Variants in FRYL observed in about 807,000 individuals in gnomAD.
The protein encoded by FRYL is protein furry homolog-like.
In FRYL, 150 loss-of-function variants were observed where a neutral mutation model predicts 351.2. The observed-to-expected ratio is 0.43, with a 90% CI of 0.37 to 0.49. The LOEUF is 0.49. Among genes scored for constraint, FRYL ranks in the 20% least tolerant of loss-of-function variants. FRYL has a pLI of 0.00. For missense variants in FRYL, 3,036 were observed against 3,619.3 expected (o/e 0.84, Z 4.13); for synonymous variants, 1,153 against 1,257.1 (o/e 0.92, Z 1.75).
At position 48,549,743 on chromosome 4, in the gene FRYL, AT is replaced by A; in HGVS notation, c.4634-121del. 1.3e-6 allele frequency: 1 copy of A among 753,636 alleles called. No individual in the cohort carries two copies. The allele number at this position is 753,636 out of a possible 1,614,324, so 46.7% of individuals were successfully genotyped here. ...AAAGTGATAAAAAAAATTTCCCACT[AT>A]TTCAACATGTTTGCTAGGAAAATCT... On this transcript the variant is annotated intron_variant, in intron 38 of 63. Coordinates refer to ENST00000358350, the MANE Select transcript of FRYL (RefSeq NM_015030.2). This position sits in a 1 kb window ranked among gnomAD's most constrained non-coding sequence, Gnocchi z 4.2.
intron 13 of FRYL, among the ~76,000 whole-genome samples, chr4:48,596,494 G>A (rs1270137909): frequency 2.0e-5 from 3 of 152,172 alleles, no homozygotes; most frequent in East Asian, 1.9e-4. Context: ...AGTTAAGAGC[G>A]TGGACTCTAA....
intron 50 of FRYL, among the ~76,000 whole-genome samples, chr4:48,530,937 G>A (rs1458206626): frequency 9.9e-5 from 15 of 152,092 alleles, no homozygotes; most frequent in Non-Finnish European, 7.4e-5. Flanking sequence ...AAGTTGTGGC[G>A]TTTCTTTTAG....
chr4:48,717,810 G>A (rs973730099), intron 1 of FRYL, among the ~76,000 whole-genome samples: 1 of 151,330 alleles, frequency 6.6e-6, no homozygotes, highest in Non-Finnish European at 1.5e-5. Context: ...CAAAGTACTG[G>A]GATTTCAGGC....
At chr4:48,728,985 G>A (rs1424086138) in intron 1 of FRYL, among the ~76,000 whole-genome samples, 2 of 152,244 alleles carry the variant, frequency 1.3e-5, no homozygotes, top group Non-Finnish European at 2.9e-5. Context: ...AGCCGTGAGT[G>A]ACTGTACCTG....
intron 3 of FRYL, among the ~76,000 whole-genome samples, chr4:48,655,813 T>C (rs1013343752): frequency 1.4e-5 from 2 of 144,490 alleles, no homozygotes; most frequent in African/African-American, 5.0e-5. Context: ...TAAAATTATA[T>C]ATACAGAATT....
intron 58 of FRYL, among the ~76,000 whole-genome samples, chr4:48,510,551 C>A (rs996227358): frequency 2.0e-5 from 3 of 152,040 alleles, no homozygotes; most frequent in African/African-American, 7.2e-5. Context: ...ATCTCCTACC[C>A]ATTTTTATTT....
At chr4:48,627,799 A>T (rs1344786599) in intron 4 of FRYL, among the ~76,000 whole-genome samples, 1 of 152,128 alleles carries the variant, frequency 6.6e-6, no homozygotes, top group Non-Finnish European at 1.5e-5. Flanking sequence ...TTTTTTATAT[A>T]AAAAAACTGT....
chr4:48,764,459 AGGT>A (rs954170784), intron 1 of FRYL, among the ~76,000 whole-genome samples: 2 of 151,692 alleles, frequency 1.3e-5, no homozygotes, highest in African/African-American at 4.8e-5. Context: ...TGAGCCCAGG[AGGT>A]CAAGGCTCCA....
In FRYL at chr4:48,634,402, G is replaced by A; in HGVS notation, c.9C>T (p.Asn3=). 6.2e-7 allele frequency: 1 copy of A among 1,612,868 alleles called. No homozygotes were observed. The highest frequency in any genetic ancestry group is 2.2e-5 in the East Asian group (1 of 44,816). The part of the protein sequence containing the change: MS[N]ITIDPDVKPG... ...GTTTGACATCTGGGTCAATCGTAAT[G>A]TTTGACATGATGATATTTTTTTTTC... is the stretch of plus-strand genomic sequence containing the variant. The change falls in exon 4 of 64, where the codon AAC becomes AAT. Residue 3 remains asparagine, a synonymous_variant. Transcript: ENST00000358350.
intron 3 of FRYL, among the ~76,000 whole-genome samples, chr4:48,669,649 T>C (rs1356918120): frequency 6.8e-6 from 1 of 147,986 alleles, no homozygotes. Context: ...AAATAAAAAT[T>C]ATATATCTCA....
At chr4:48,670,847 T>C (rs1762537025) in intron 3 of FRYL, among the ~76,000 whole-genome samples, 1 of 152,212 alleles carries the variant, frequency 6.6e-6, no homozygotes, top group Non-Finnish European at 1.5e-5. Flanking sequence ...CATTAATCTG[T>C]TGGTGGACAT....
intron 3 of FRYL, among the ~76,000 whole-genome samples, chr4:48,666,916 G>T (rs191627808): frequency 6.6e-6 from 1 of 152,150 alleles, no homozygotes; most frequent in South Asian, 2.1e-4. Flanking sequence ...AGTATAAGAA[G>T]AATTTAGGTA....
intron 2 of FRYL, among the ~76,000 whole-genome samples, chr4:48,705,974 C>A (rs1322646033): frequency 6.6e-6 from 1 of 152,098 alleles, no homozygotes; most frequent in Non-Finnish European, 1.5e-5. Flanking sequence ...GTAGCTGGAA[C>A]TACAGGCACA....
chr4:48,725,299 C>A (rs545442367), intron 1 of FRYL, among the ~76,000 whole-genome samples: 6 of 152,326 alleles, frequency 3.9e-5, no homozygotes, highest in African/African-American at 1.4e-4. Flanking sequence ...TCCCCTCCAT[C>A]AAATTCTCTG....
chr4:48,643,851 C>A (rs2149402166), intron 3 of FRYL, among the ~76,000 whole-genome samples: 1 of 152,238 alleles, frequency 6.6e-6, no homozygotes, highest in South Asian at 2.1e-4. Flanking sequence ...AAAAGAAGAT[C>A]TGAACATGTG....
intron 1 of FRYL, among the ~76,000 whole-genome samples, chr4:48,777,204 T>C (rs1776114335): frequency 6.6e-6 from 1 of 152,238 alleles, no homozygotes; most frequent in Admixed American, 6.5e-5. Context: ...TAATTGTGAA[T>C]AATTGTGACA....
rs569794394 is a variant in FRYL at position 48,607,913 on chromosome 4, A to G, written c.572+1074T>C. On this transcript the variant is annotated intron_variant, in intron 9 of 63. Transcript: ENST00000358350. ...ATATATTATTTAGAATTTCTGGTCT[A>G]TATTCCTGAGACAGAAACTCAGTTT... Among the ~76,000 whole-genome samples, 6 of 152,278 alleles carry G rather than the reference A, an allele frequency of 3.9e-5. 1 individual carries two copies. The highest frequency in any genetic ancestry group is 1.4e-4 in the African/African-American group (6 of 41,566).
chr4:48,577,320 C>T (rs535799993), intron 23 of FRYL, among the ~76,000 whole-genome samples: 19 of 152,194 alleles, frequency 1.2e-4, no homozygotes, highest in African/African-American at 3.9e-4. Flanking sequence ...GAGAGCAAAA[C>T]GAAAGAGGAA....
chr4:48,664,856 A>G (rs1018617471), intron 3 of FRYL, among the ~76,000 whole-genome samples: 1 of 152,232 alleles, frequency 6.6e-6, no homozygotes, highest in Non-Finnish European at 1.5e-5. Context: ...TCAATAATGA[A>G]GAGAATCTGT....
Sources: allele counts gnomAD v4.1 joint callset (sites outside exome capture counted in the v4.1 genomes callset), GRCh38; gene constraint gnomAD v4.1.1; non-coding constraint Gnocchi (gnomAD v3.1); transcripts MANE v1.5; gene names NCBI Gene and HGNC (gene_info 2026-07-23, HGNC 2026-07-21).